Variants in FUT8 observed in about 807,000 individuals in gnomAD.
The protein encoded by FUT8 is fucosyltransferase 8, also known as alpha-(1,6)-fucosyltransferase.
Under a neutral mutation model 71.3 loss-of-function variants are expected in FUT8, and 29 were observed. The observed-to-expected ratio is 0.41, with a 90% CI of 0.30 to 0.55. FUT8 has a LOEUF of 0.55. FUT8 is among the 20% of genes least tolerant of loss of function. The pLI is 0.34. For missense variants in FUT8, 544 were observed against 702.1 expected (o/e 0.77, Z 2.55); for synonymous variants, 254 against 239.3 (o/e 1.06, Z -0.57).
chr14:65,690,629 ATCTCTCTCTCTC>A, intron 7 of FUT8, among the ~76,000 whole-genome samples: 1 of 144,868 alleles, frequency 6.9e-6, no homozygotes, highest in African/African-American at 2.5e-5. Flanking sequence ...TCATCCCTTT[ATCTCTCTCTCTC>A]TCTCTCTCAT....
intron 3 of FUT8, among the ~76,000 whole-genome samples, chr14:65,572,459 G>A (rs1380517052): frequency 1.3e-5 from 2 of 152,188 alleles, no homozygotes; most frequent in Non-Finnish European, 2.9e-5. Flanking sequence ...ACAACTGTGA[G>A]TGATGAATGT....
intron 6 of FUT8, among the ~76,000 whole-genome samples, chr14:65,649,750 A>G (rs1219114922): frequency 1.3e-5 from 2 of 152,214 alleles, no homozygotes; most frequent in African/African-American, 4.8e-5. Flanking sequence ...ATATAATGAT[A>G]TTGTTCTCAA....
intron 2 of FUT8, among the ~76,000 whole-genome samples, chr14:65,508,491 GTTTTTT>G (rs34809476): frequency 8.6e-5 from 4 of 46,488 alleles, no homozygotes; most frequent in Non-Finnish European, 1.2e-4. Context: ...AGTTGTTTGA[GTTTTTT>G]TTTTTTTTTT....
At chr14:65,410,016 G>C (rs1595333283), upstream of FUT8, among the ~76,000 whole-genome samples, 1 of 152,146 alleles carries the variant, frequency 6.6e-6, no homozygotes, top group South Asian at 2.1e-4. Context: ...GAGAATGAGA[G>C]AGCGCAGCAA....
At chr14:65,571,013 T>C (rs775520697) in intron 3 of FUT8, among the ~76,000 whole-genome samples, 1 of 152,140 alleles carries the variant, frequency 6.6e-6, no homozygotes, top group Non-Finnish European at 1.5e-5. Context: ...GATTTCTGTA[T>C]ATCACTCCCC....
chr14:65,405,590 A>G, the FUT8 span, among the ~76,000 whole-genome samples: 1 of 152,182 alleles, frequency 6.6e-6, no homozygotes, highest in Non-Finnish European at 1.5e-5. Context: ...CAATAAACCT[A>G]CCTGGAAATA....
chr14:65,565,042 C>T (rs1301187365), intron 3 of FUT8, among the ~76,000 whole-genome samples: 1 of 151,904 alleles, frequency 6.6e-6, no homozygotes, highest in Non-Finnish European at 1.5e-5. Context: ...TGAACAGCTG[C>T]ATCTGGTGAG....
chr14:65,565,656 C>T (rs1886154743), intron 3 of FUT8, among the ~76,000 whole-genome samples: 1 of 151,888 alleles, frequency 6.6e-6, no homozygotes, highest in Non-Finnish European at 1.5e-5. Context: ...ACTTGCTCTC[C>T]TCCTACCCAG....
intron 2 of FUT8, among the ~76,000 whole-genome samples, chr14:65,531,090 A>T (rs188907580): frequency 1.3e-5 from 2 of 151,568 alleles, no homozygotes; most frequent in Non-Finnish European, 2.9e-5. Context: ...GCTTAAAAGC[A>T]TTGGAAATTG....
intron 2 of FUT8, among the ~76,000 whole-genome samples, chr14:65,473,038 A>T (rs893986388): frequency 5.9e-5 from 9 of 152,118 alleles, no homozygotes; most frequent in African/African-American, 1.9e-4. Flanking sequence ...CAGTCCCATG[A>T]TCTTAACATA....
intron 5 of FUT8, 54 bp from the exon 6 acceptor site, chr14:65,629,438 A>C: frequency 9.1e-7 from 1 of 1,101,282 alleles, no homozygotes; most frequent in Non-Finnish European, 1.4e-6. Flanking sequence ...ACTTTGTGTA[A>C]TCCAGTGAAG....
chr14:65,624,938 T>C (rs1370016290), intron 5 of FUT8, among the ~76,000 whole-genome samples: 1 of 152,128 alleles, frequency 6.6e-6, no homozygotes, highest in Non-Finnish European at 1.5e-5. Context: ...TGGTGGTGCA[T>C]GCCTGTAATC....
At chr14:65,650,520 T>G (rs899938061) in intron 6 of FUT8, among the ~76,000 whole-genome samples, 1 of 151,228 alleles carries the variant, frequency 6.6e-6, no homozygotes, top group Non-Finnish European at 1.5e-5. Flanking sequence ...CTTTAAACAG[T>G]CAGATCTCCT....
At chr14:65,411,772 GA>G, upstream of FUT8, 1 of 333,776 alleles carries the variant, frequency 3.0e-6, no homozygotes. Context: ...TTTGGAACGG[GA>G]AGCTCATCTT....
At chr14:65,425,191 G>GT (rs2065364189) in intron 1 of FUT8, among the ~76,000 whole-genome samples, 1 of 150,068 alleles carries the variant, frequency 6.7e-6, no homozygotes, top group African/African-American at 2.5e-5. Flanking sequence ...TTGAGACGGA[G>GT]TTTCACTCTT....
At chr14:65,659,433 A>C (rs1012693141) in intron 6 of FUT8, among the ~76,000 whole-genome samples, 1 of 152,126 alleles carries the variant, frequency 6.6e-6, no homozygotes, top group Non-Finnish European at 1.5e-5. Flanking sequence ...GGTACTTTGC[A>C]GAATGGAAAA....
chr14:65,661,151 TAGGG>T (rs906049878), intron 6 of FUT8, among the ~76,000 whole-genome samples: 2 of 152,140 alleles, frequency 1.3e-5, no homozygotes, highest in Non-Finnish European at 2.9e-5. Context: ...AGGAATTTCT[TAGGG>T]AGGAGCTGGA....
intron 6 of FUT8, among the ~76,000 whole-genome samples, chr14:65,634,878 G>T (rs1363380973): frequency 6.6e-6 from 1 of 152,174 alleles, no homozygotes; most frequent in Non-Finnish European, 1.5e-5. Flanking sequence ...AATGATGGCG[G>T]TATTTTGATG....
intron 9 of FUT8, among the ~76,000 whole-genome samples, chr14:65,731,953 T>A (rs1250634328): frequency 2.0e-5 from 3 of 152,240 alleles, no homozygotes; most frequent in African/African-American, 7.2e-5. Flanking sequence ...AAACCTATGC[T>A]GGTTTTATCA....
Sources: allele counts gnomAD v4.1 joint callset (sites outside exome capture counted in the v4.1 genomes callset), GRCh38; gene constraint gnomAD v4.1.1; transcripts MANE v1.5; gene names NCBI Gene and HGNC (gene_info 2026-07-23, HGNC 2026-07-21).